Variants in FRMPD4 observed in about 807,000 individuals in gnomAD.
FRMPD4 encodes FERM and PDZ domain-containing protein 4.
FRMPD4 carries 22 observed loss-of-function variants against 94.1 expected under a neutral mutation model. The observed-to-expected ratio is 0.23, with a 90% CI of 0.17 to 0.33. FRMPD4 has a LOEUF of 0.33. FRMPD4 is among the 10% of genes least tolerant of loss of function. The pLI, the probability that FRMPD4 is intolerant of heterozygous loss-of-function variation, is 1.00. For missense variants in FRMPD4, 1,111 were observed against 1,339.9 expected (o/e 0.83, Z 2.67); for synonymous variants, 631 against 548.6 (o/e 1.15, Z -2.10).
At position 12,357,116 on chromosome X, in the gene FRMPD4, T is replaced by C. The variant is rs188759435; in HGVS notation, c.42-141564T>C. 6.1e-4 allele frequency among the ~76,000 whole-genome samples: 68 copies of C among 112,241 alleles called. 2 individuals carry two copies. The Admixed American group carries it at 6.2e-3, about 10-fold the overall frequency. On this transcript the variant is annotated intron_variant, in intron 1 of 16. Transcript: ENST00000675598. ...AAAATTTTTCCTTGGAAGTATTGGA[T>C]ATTTCATACTTGGGGTATTGATGTT... is the stretch of plus-strand genomic sequence containing the variant.
chrX:11,991,921 G>A (rs1485972849), intron 3 of FRMPD4, among the ~76,000 whole-genome samples: 4 of 112,024 alleles, frequency 3.6e-5, no homozygotes, highest in African/African-American at 1.3e-4. Context: ...GAGCTGAGCT[G>A]ATTTTAGGTT....
chrX:12,043,047 G>A (rs1327464537), intron 3 of FRMPD4, among the ~76,000 whole-genome samples: 1 of 111,636 alleles, frequency 9.0e-6, no homozygotes, highest in African/African-American at 3.3e-5. Flanking sequence ...CATAGTTCTT[G>A]CCTGAAGTTC....
At chrX:12,060,062 A>T (rs1454920738) in intron 3 of FRMPD4, among the ~76,000 whole-genome samples, 2 of 111,237 alleles carry the variant, frequency 1.8e-5, no homozygotes, top group African/African-American at 6.5e-5. Context: ...AATGGGAGTG[A>T]GAGACAGTAC....
At chrX:12,014,356 A>C (rs973086753) in intron 3 of FRMPD4, among the ~76,000 whole-genome samples, 22 of 112,249 alleles carry the variant, frequency 2.0e-4, no homozygotes, top group African/African-American at 7.1e-4. Context: ...TAAATTAACT[A>C]TTTTTATGGC....
intron 1 of FRMPD4, among the ~76,000 whole-genome samples, chrX:12,451,653 C>T (rs1160275526): frequency 9.0e-6 from 1 of 110,943 alleles, no homozygotes; most frequent in Non-Finnish European, 1.9e-5. Flanking sequence ...TCTTAGTTTA[C>T]ATTGTAAAAC....
In FRMPD4 at chrX:12,478,652, T is replaced by G. The variant is rs772209619; in HGVS notation, c.42-20028T>G. Reference sequence around the variant, plus strand: ...GAAAATCCTTTTTGTCTTTAATGTGTCAAGAGAGAAGCAGTTTTTTAAAAA... The same window carrying G: ...GAAAATCCTTTTTGTCTTTAATGTGGCAAGAGAGAAGCAGTTTTTTAAAAA... On this transcript the variant is annotated intron_variant, in intron 1 of 16. Transcript: ENST00000675598. Among the ~76,000 whole-genome samples the G allele has an allele frequency of 1.2e-3, 129 of 111,668 alleles. 1 individual carries two copies. The highest frequency in any genetic ancestry group is 3.9e-3 in the African/African-American group (120 of 30,803).
At chrX:12,453,957 AGTT>A (rs1357027463) in intron 1 of FRMPD4, among the ~76,000 whole-genome samples, 1 of 112,565 alleles carries the variant, frequency 8.9e-6, no homozygotes, top group Admixed American at 9.4e-5. Context: ...GTGAAGGCTT[AGTT>A]GTTATTTCCA....
chrX:12,111,486 T>C (rs768193779), intron 3 of FRMPD4, among the ~76,000 whole-genome samples: 1 of 111,087 alleles, frequency 9.0e-6, no homozygotes, highest in Non-Finnish European at 1.9e-5. Flanking sequence ...AACCTAGGCA[T>C]TACCATTCAG....
chrX:12,451,198 T>G (rs1386867986), intron 1 of FRMPD4, among the ~76,000 whole-genome samples: 3 of 111,603 alleles, frequency 2.7e-5, no homozygotes, highest in Non-Finnish European at 5.6e-5. Flanking sequence ...GGATTCCCTC[T>G]TCTCATTGAA....
At chrX:12,152,478 G>A (rs60458286) in intron 1 of FRMPD4, among the ~76,000 whole-genome samples, 94 of 110,675 alleles carry the variant, frequency 8.5e-4, no homozygotes, top group African/African-American at 2.9e-3. Flanking sequence ...AGAATGGGGG[G>A]GTAATGAAGA....
At chrX:12,149,426 C>G (rs1334562030) in intron 1 of FRMPD4, among the ~76,000 whole-genome samples, 1 of 111,252 alleles carries the variant, frequency 9.0e-6, no homozygotes, top group Non-Finnish European at 1.9e-5. Flanking sequence ...GATTCCAACC[C>G]TCATAGATGG....
At chrX:12,108,603 G>T (rs2055323045) in intron 3 of FRMPD4, among the ~76,000 whole-genome samples, 2 of 111,932 alleles carry the variant, frequency 1.8e-5, no homozygotes, top group South Asian at 3.7e-4. Context: ...TGGGCTAAAT[G>T]CTCCAATTAA....
chrX:12,019,061 A>G (rs748869549), intron 3 of FRMPD4, among the ~76,000 whole-genome samples: 60 of 111,914 alleles, frequency 5.4e-4, no homozygotes, highest in Non-Finnish European at 1.1e-4. Context: ...TTCACAGAAA[A>G]TACAATTATA....
intron 2 of FRMPD4, among the ~76,000 whole-genome samples, chrX:12,559,029 C>A (rs956729976): frequency 8.9e-6 from 1 of 112,196 alleles, no homozygotes; most frequent in African/African-American, 3.2e-5. Flanking sequence ...AGTGTCAGAC[C>A]TTCCTATTTT....
In FRMPD4 at chrX:12,723,254, A is replaced by G. The variant is rs1245317822; in HGVS notation, c.*1396A>G. The G allele has an allele frequency of 2.7e-5, 3 of 111,809 alleles. No homozygotes were observed. Among genetic ancestry groups the G allele is most frequent in the Non-Finnish European group, 3.8e-5 (2 of 53,173 alleles). The allele number at this position is 111,809 out of a possible 1,213,427, so 9.2% of individuals were successfully genotyped here. A position where few individuals can be genotyped will look rare whatever the true frequency, so the allele number is the denominator to read the frequency against. ...GTCATAAAATAAAATCGATATGTAT[A>G]TATGTATTTCCTGGGTCATTCAGTG... On this transcript the variant is annotated 3_prime_UTR_variant, in exon 17 of 17. Transcript: ENST00000675598.
chrX:12,454,553 A>AAAAT (rs1483713944), intron 1 of FRMPD4, among the ~76,000 whole-genome samples: 2 of 108,146 alleles, frequency 1.8e-5, no homozygotes, highest in African/African-American at 3.4e-5. Context: ...TTTGCAAAGG[A>AAAAT]AAATGATGTT....
rs752154602 is a variant in FRMPD4 at position 12,207,251 on chromosome X, A to AT, written c.41+68247dup. Among the ~76,000 whole-genome samples the AT allele has an allele frequency of 1.1e-4, 12 of 111,632 alleles. No individual in the cohort carries two copies. In the South Asian group the frequency reaches 1.5e-3, roughly 14 times the overall value. On this transcript the variant is annotated intron_variant, in intron 1 of 16. Coordinates refer to ENST00000675598, the MANE Select transcript of FRMPD4 (RefSeq NM_001368397.1). Reference sequence around the variant, plus strand: ...TTTGGCAAGAAAAAAATGCCTCACAATTTTTTTTATGAATATTCTATTTTA... The same window carrying AT: ...TTTGGCAAGAAAAAAATGCCTCACAATTTTTTTTTATGAATATTCTATTTTA...
At chrX:12,275,031 G>A (rs2054414948) in intron 1 of FRMPD4, among the ~76,000 whole-genome samples, 1 of 111,849 alleles carries the variant, frequency 8.9e-6, no homozygotes, top group African/African-American at 3.2e-5. Flanking sequence ...CACATGTACA[G>A]AAATAACTGT....
At chrX:12,029,925 GGAGACCTTCCAATTCAACA>G (rs2054682066) in intron 3 of FRMPD4, among the ~76,000 whole-genome samples, 1 of 111,427 alleles carries the variant, frequency 9.0e-6, no homozygotes, top group Non-Finnish European at 1.9e-5. Context: ...TGAGAATCTT[GGAGACCTTCCAATTCAACA>G]TAACACATTC....
Sources: gnomAD v4.1 joint callset for allele counts (sites outside exome capture counted in the v4.1 genomes callset) on GRCh38, gnomAD v4.1.1 for gene constraint, MANE v1.5 for transcripts, NCBI Gene and HGNC (gene_info 2026-07-23, HGNC 2026-07-21) for gene names.